Variants in INPP4B observed in about 807,000 individuals in gnomAD.
The protein encoded by INPP4B is inositol polyphosphate 4-phosphatase type II.
A neutral mutation model predicts 122.5 loss-of-function variants in INPP4B; 55 were observed. The observed-to-expected ratio is 0.45, with a 90% CI of 0.36 to 0.56. The LOEUF (loss-of-function observed/expected upper bound fraction) is 0.56, where lower values mean the gene tolerates loss of function less well. INPP4B is among the 20% of genes least tolerant of loss of function. The pLI is 0.00. For synonymous variants in INPP4B, 403 were observed against 388.7 expected (o/e 1.04, Z -0.43); for missense variants, 1,000 against 1,097.7 (o/e 0.91, Z 1.26).
At chr4:142,414,300 T>G (rs957980232) in intron 5 of INPP4B, among the ~76,000 whole-genome samples, 1 of 148,070 alleles carries the variant, frequency 6.8e-6, no homozygotes, top group East Asian at 2.0e-4. Context: ...GGCTTTTAAA[T>G]AAAAAAAAAA....
intron 25 of INPP4B, among the ~76,000 whole-genome samples, chr4:142,074,421 GT>G (rs1769325835): frequency 6.6e-6 from 1 of 152,090 alleles, no homozygotes; most frequent in Non-Finnish European, 1.5e-5. Flanking sequence ...ATTGGGATGT[GT>G]GGAGAAATGG....
intron 22 of INPP4B, 89 bp from the exon 23 acceptor site, chr4:142,108,279 A>C (rs1788177280): frequency 1.4e-6 from 1 of 707,060 alleles, no homozygotes; most frequent in Non-Finnish European, 2.5e-6. Context: ...ATAGATTAGA[A>C]AATAATTTCC....
chr4:142,095,554 A>G (rs1033506168), intron 23 of INPP4B, among the ~76,000 whole-genome samples: 17 of 152,182 alleles, frequency 1.1e-4, no homozygotes, highest in African/African-American at 3.9e-4. Flanking sequence ...TTCAGTATCC[A>G]TCTTACTTTG....
At chr4:142,295,749 T>C (rs1456033313) in intron 9 of INPP4B, among the ~76,000 whole-genome samples, 2 of 148,218 alleles carry the variant, frequency 1.3e-5, no homozygotes. Context: ...TTTTTTTTCT[T>C]TTCTTTTTTT....
chr4:142,603,126 A>G (rs115553001), intron 2 of INPP4B, among the ~76,000 whole-genome samples: 3,274 of 152,288 alleles, frequency 0.021, 114 homozygotes, highest in African/African-American at 0.074. Context: ...ACCTATGCAG[A>G]AAAGGAAAAA....
At chr4:142,031,300 A>T (rs1739891305) in intron 25 of INPP4B, among the ~76,000 whole-genome samples, 1 of 152,204 alleles carries the variant, frequency 6.6e-6, no homozygotes, top group Admixed American at 6.5e-5. Flanking sequence ...TCTTATGAAA[A>T]GTGGAACTTT....
At chr4:142,124,415 C>T (rs1387303994) in intron 19 of INPP4B, among the ~76,000 whole-genome samples, 173 bp downstream of exon 19, 1 of 152,112 alleles carries the variant, frequency 6.6e-6, no homozygotes, top group East Asian at 1.9e-4. Flanking sequence ...CTCATAAACT[C>T]TTTGCTTAGG....
chr4:142,349,960 G>A (rs955190820), intron 7 of INPP4B, among the ~76,000 whole-genome samples: 1 of 150,672 alleles, frequency 6.6e-6, no homozygotes, highest in Non-Finnish European at 1.5e-5. Flanking sequence ...TCTCTTTAAT[G>A]TATGACAGAG....
intron 2 of INPP4B, among the ~76,000 whole-genome samples, chr4:142,676,135 C>T (rs1391084248): frequency 2.0e-5 from 3 of 151,968 alleles, no homozygotes; most frequent in Admixed American, 6.5e-5. Flanking sequence ...AGCTGATAAG[C>T]AACTTCAGCA....
At chr4:142,495,032 G>A (rs1202145530) in intron 2 of INPP4B, among the ~76,000 whole-genome samples, 1 of 152,122 alleles carries the variant, frequency 6.6e-6, no homozygotes, top group Non-Finnish European at 1.5e-5. Flanking sequence ...AGCTTGGAAA[G>A]CAGTTGTTTT....
intron 25 of INPP4B, among the ~76,000 whole-genome samples, chr4:142,041,699 A>C (rs958026382): frequency 6.6e-6 from 1 of 152,168 alleles, no homozygotes; most frequent in Middle Eastern, 3.2e-3. Flanking sequence ...ATAGACAGTG[A>C]GTACCTTGCC....
chr4:142,510,671 C>A (rs1352646894), intron 2 of INPP4B, among the ~76,000 whole-genome samples: 1 of 152,052 alleles, frequency 6.6e-6, no homozygotes, highest in Non-Finnish European at 1.5e-5. Context: ...AAATATCATG[C>A]CTTATGTTTT....
chr4:142,827,078 C>G, intron 1 of INPP4B, among the ~76,000 whole-genome samples: 2 of 152,256 alleles, frequency 1.3e-5, no homozygotes, highest in Middle Eastern at 6.8e-3. Context: ...ACTTTCTAGG[C>G]CTGTTGTTTG....
chr4:142,103,984 A>T (rs1030795155), intron 23 of INPP4B, among the ~76,000 whole-genome samples: 1 of 151,890 alleles, frequency 6.6e-6, no homozygotes, highest in Non-Finnish European at 1.5e-5. Context: ...AGAACAGGTT[A>T]AAAAAAAGCC....
chr4:142,737,684 A>C (rs908298836), intron 1 of INPP4B, among the ~76,000 whole-genome samples: 4 of 152,214 alleles, frequency 2.6e-5, no homozygotes, highest in Non-Finnish European at 5.9e-5. Context: ...CAACCTACAG[A>C]ATGGGAGAAA....
At chr4:142,069,580 T>A (rs1022881310) in intron 25 of INPP4B, among the ~76,000 whole-genome samples, 1 of 151,880 alleles carries the variant, frequency 6.6e-6, no homozygotes, top group African/African-American at 2.4e-5. Context: ...AATTGATAGA[T>A]CGCTAGCAAG....
rs1171624210 is a variant in INPP4B at position 142,374,064 on chromosome 4, A to T, written c.372+28874T>A. 2.6e-5 allele frequency among the ~76,000 whole-genome samples: 4 copies of T among 151,856 alleles called. No individual in the cohort carries two copies. The South Asian group carries it at 8.3e-4, about 31-fold the overall frequency. On this transcript the variant is annotated intron_variant, in intron 7 of 25. Coordinates refer to ENST00000262992, the MANE Select transcript of INPP4B (RefSeq NM_001101669.3). ...GGAGTGTGAATGAACATGCAGAAAG[A>T]TTGTTTTAGTTTAGGGTGTGTTTGA...
At chr4:142,563,466 A>G (rs953254863) in intron 2 of INPP4B, among the ~76,000 whole-genome samples, 2 of 152,208 alleles carry the variant, frequency 1.3e-5, no homozygotes, top group Non-Finnish European at 2.9e-5. Context: ...GAAGATTAAA[A>G]TGAAATGAGG....
chr4:142,145,774 T>G (rs1177407452), intron 18 of INPP4B, 66 bp downstream of exon 18: 11 of 1,502,276 alleles, frequency 7.3e-6, no homozygotes, highest in Non-Finnish European at 1.0e-5. Flanking sequence ...TCTATATCAT[T>G]TTTTTTTCAC....
Sources: gnomAD v4.1 joint callset for allele counts (sites outside exome capture counted in the v4.1 genomes callset) on GRCh38, gnomAD v4.1.1 for gene constraint, MANE v1.5 for transcripts, NCBI Gene and HGNC (gene_info 2026-07-23, HGNC 2026-07-21) for gene names.